Variants in CAMK2D observed in about 807,000 individuals in gnomAD.
CAMK2D encodes calcium/calmodulin-dependent protein kinase type II subunit delta.
A neutral mutation model predicts 84.0 loss-of-function variants in CAMK2D; 37 were observed. That is an observed-to-expected ratio of 0.44 (90% CI 0.34 to 0.58). CAMK2D has a LOEUF of 0.58. Among genes scored for constraint, CAMK2D ranks in the 20% least tolerant of loss-of-function variants. The pLI is 0.02. For missense variants in CAMK2D, 448 were observed against 652.5 expected, an observed-to-expected ratio of 0.69 and a Z score of 3.41; for synonymous variants, 202 against 212.5, an observed-to-expected ratio of 0.95 and a Z score of 0.43.
chr4:113,457,190 C>G, intron 19 of CAMK2D, 145 bp downstream of exon 19: 1 of 1,447,382 alleles, frequency 6.9e-7, no homozygotes, highest in South Asian at 1.5e-5. Flanking sequence ...GAATCATAAA[C>G]CTTTCCCGTG....
Position 113,548,586 on chromosome 4 carries a change from A to G in CAMK2D, c.342-870T>C, listed in dbSNP as rs1229982370. On this transcript the variant is annotated intron_variant, in intron 5 of 20. Transcript: ENST00000511664. ...GGCAAGGGAACCATTTTAAATACCC[A>G]CCCTCTGCCCTTTCCCCAGAAAAAA... The G allele has an allele frequency of 1.5e-5, 11 of 728,038 alleles. No homozygotes were observed. The East Asian group carries it at 2.9e-4, about 19-fold the overall frequency. 45.1% of individuals were successfully genotyped at this position (728,038 alleles called of 1,614,324 possible).
chr4:113,556,921 G>A (rs1013180158), intron 4 of CAMK2D, among the ~76,000 whole-genome samples: 1 of 152,112 alleles, frequency 6.6e-6, no homozygotes, highest in Non-Finnish European at 1.5e-5. Context: ...AATGTTTTCT[G>A]AGTGAATAAG....
chr4:113,523,872 G>GT (rs973639692), intron 8 of CAMK2D, among the ~76,000 whole-genome samples: 1 of 151,672 alleles, frequency 6.6e-6, no homozygotes, highest in African/African-American at 2.4e-5. Context: ...GTTTTGTTTT[G>GT]TTTTTTAAAG....
At chr4:113,606,406 G>T (rs532549405) in intron 4 of CAMK2D, among the ~76,000 whole-genome samples, 369 of 151,792 alleles carry the variant, frequency 2.4e-3, no homozygotes, top group Non-Finnish European at 3.6e-3. Context: ...GGAGGCGGCG[G>T]TTGCAGTGAG....
At chr4:113,547,778 C>T in intron 5 of CAMK2D, 62 bp from the exon 6 acceptor site, 1 of 1,042,518 alleles carries the variant, frequency 9.6e-7, no homozygotes. Context: ...TCTGTATACC[C>T]TCAGAGAGAC....
chr4:113,679,301 G>A (rs1425832562), intron 2 of CAMK2D: 2 of 169,726 alleles, frequency 1.2e-5, no homozygotes, highest in African/African-American at 4.8e-5. Flanking sequence ...TAAACAGTGT[G>A]CAAAGTCAAA....
rs559332347 is a variant in CAMK2D at position 113,624,975 on chromosome 4, T to C, written c.221-15769A>G. ...TTGCATTGTTCTGAAGTTTTGTGTA[T>C]GTCCTTGATAGAAGCAAAGTCTTCT... is the stretch of plus-strand genomic sequence containing the variant. On this transcript the variant is annotated intron_variant, in intron 3 of 20. Coordinates refer to ENST00000511664, the MANE Select transcript of CAMK2D (RefSeq NM_001321571.2). Among the ~76,000 whole-genome samples, 5 of 152,362 alleles carry C rather than the reference T, an allele frequency of 3.3e-5. No homozygotes were observed. In the South Asian group the frequency reaches 6.2e-4, roughly 19 times the overall value.
At chr4:113,730,282 T>C (rs899404731) in intron 2 of CAMK2D, among the ~76,000 whole-genome samples, 2 of 152,240 alleles carry the variant, frequency 1.3e-5, no homozygotes, top group Non-Finnish European at 2.9e-5. Context: ...CCTCATTTCA[T>C]GTTCTGTTCA....
At chr4:113,631,800 T>C (rs1427570945) in intron 3 of CAMK2D, among the ~76,000 whole-genome samples, 1 of 152,182 alleles carries the variant, frequency 6.6e-6, no homozygotes, top group African/African-American at 2.4e-5. Context: ...ATTCAGAAAG[T>C]AGATACACGT....
Position 113,761,582 on chromosome 4 carries a change from G to C in CAMK2D, c.-514C>G. 1.0e-6 allele frequency: 1 copy of C among 985,180 alleles called. No individual in the cohort carries two copies. Among genetic ancestry groups the C allele is most frequent in the Non-Finnish European group, 1.2e-6 (1 of 829,798 alleles). The allele number at this position is 985,180 out of a possible 1,614,324, so 61.0% of individuals were successfully genotyped here. A position where few individuals can be genotyped will look rare whatever the true frequency, so the allele number is the denominator to read the frequency against. ...TGAGCCCAGCGGCCGCTGTCAGCAG[G>C]CTCAGGCGCGGGGCGCGCCGGGGCT... On this transcript the variant is annotated 5_prime_UTR_variant, in exon 1 of 21. Transcript: ENST00000511664.
At chr4:113,576,526 C>A (rs2098783451) in intron 4 of CAMK2D, among the ~76,000 whole-genome samples, 1 of 151,124 alleles carries the variant, frequency 6.6e-6, no homozygotes, top group Admixed American at 6.6e-5. Flanking sequence ...TGTGCATGTG[C>A]CCACACACAA....
At chr4:113,743,075 A>C (rs1347158183) in intron 2 of CAMK2D, among the ~76,000 whole-genome samples, 1 of 152,224 alleles carries the variant, frequency 6.6e-6, no homozygotes, top group Non-Finnish European at 1.5e-5. Flanking sequence ...TGAACATTCC[A>C]AAATGACATC....
At chr4:113,687,951 A>C (rs944953276) in intron 2 of CAMK2D, among the ~76,000 whole-genome samples, 1 of 152,218 alleles carries the variant, frequency 6.6e-6, no homozygotes, top group Non-Finnish European at 1.5e-5. Context: ...AGTACACAGA[A>C]TAATACTTAT....
At chr4:113,609,688 C>G (rs1015912738) in intron 3 of CAMK2D, among the ~76,000 whole-genome samples, 1 of 152,158 alleles carries the variant, frequency 6.6e-6, no homozygotes. Flanking sequence ...GATTCCAAGT[C>G]TAGGAAATGG....
chr4:113,518,120 C>T lies in CAMK2D; in HGVS notation c.602-463G>A, dbSNP rs370278741. Among the ~76,000 whole-genome samples the T allele has an allele frequency of 3.9e-5, 6 of 152,276 alleles. No homozygotes were observed. The East Asian group carries it at 7.7e-4, about 20-fold the overall frequency. ...TGATGGTGTCCTGGTTATAAATCCA[C>T]GTTCTAAATAACCATAGTCCCTGCA... On this transcript the variant is annotated intron_variant, in intron 8 of 20. Coordinates refer to ENST00000511664, the MANE Select transcript of CAMK2D (RefSeq NM_001321571.2).
intron 3 of CAMK2D, among the ~76,000 whole-genome samples, chr4:113,650,960 A>C (rs2154301577): frequency 6.6e-6 from 1 of 152,310 alleles, no homozygotes; most frequent in East Asian, 1.9e-4. Flanking sequence ...ATGCTACAAA[A>C]ATTTTTCCTC....
intron 4 of CAMK2D, among the ~76,000 whole-genome samples, chr4:113,602,960 C>G (rs1278625642): frequency 6.6e-6 from 1 of 152,168 alleles, no homozygotes; most frequent in Admixed American, 6.5e-5. Flanking sequence ...TGAACTTGAT[C>G]TGTGATCTGC....
intron 4 of CAMK2D, among the ~76,000 whole-genome samples, chr4:113,565,527 G>C (rs1031905207): frequency 6.6e-6 from 1 of 151,578 alleles, no homozygotes; most frequent in Non-Finnish European, 1.5e-5. Flanking sequence ...GGTGCATGCC[G>C]GTAATCCCAG....
chr4:113,757,869 A>G (rs956453475), intron 2 of CAMK2D, among the ~76,000 whole-genome samples: 2 of 152,162 alleles, frequency 1.3e-5, no homozygotes, highest in African/African-American at 4.8e-5. Context: ...ACAAATTCAG[A>G]TGAGTGAAGA....
Sources: gnomAD v4.1 joint callset for allele counts (sites outside exome capture counted in the v4.1 genomes callset) on GRCh38, gnomAD v4.1.1 for gene constraint, MANE v1.5 for transcripts, NCBI Gene and HGNC (gene_info 2026-07-23, HGNC 2026-07-21) for gene names.